Variants in GRAMD1B observed in about 807,000 individuals in gnomAD.
GRAMD1B encodes protein Aster-B.
A neutral mutation model predicts 99.7 loss-of-function variants in GRAMD1B; 37 were observed. The observed-to-expected ratio is 0.37, with a 90% CI of 0.29 to 0.49. The LOEUF is 0.49. Among genes scored for constraint, GRAMD1B ranks in the 20% least tolerant of loss-of-function variants. GRAMD1B has a pLI of 0.98. For synonymous variants in GRAMD1B, 427 were observed against 387.6 expected (o/e 1.10, Z -1.19); for missense variants, 888 against 1,009.2 (o/e 0.88, Z 1.63).
At chr11:123,384,036 A>G (rs796617697) in intron 1 of GRAMD1B, among the ~76,000 whole-genome samples, 13 of 151,924 alleles carry the variant, frequency 8.6e-5, no homozygotes, top group African/African-American at 3.1e-4. Flanking sequence ...ACGCCCAGCT[A>G]ATTTTTGTGT....
At chr11:123,524,318 T>TTTTTA (rs6144546) in intron 2 of GRAMD1B, among the ~76,000 whole-genome samples, 2,238 of 137,614 alleles carry the variant, frequency 0.016, 55 homozygotes, top group African/African-American at 0.046. Context: ...CCAGTTTTTA[T>TTTTTA]TTTTATTTTA....
intron 7 of GRAMD1B, chr11:123,598,552 A>G: frequency 6.4e-7 from 1 of 1,550,746 alleles, no homozygotes; most frequent in Non-Finnish European, 8.9e-7. Flanking sequence ...TTTTTGGCAA[A>G]CAAAGAGGTA....
rs552084179 is a variant in GRAMD1B, at chr11:123,404,891, G to A, written c.-176+46092G>A. The stretch of plus-strand genomic sequence containing the variant: ...AAATTCCGCCTGTTGTCAGGGGGTC[G>A]TGGGAATGTGCCCAGGTTGCTGTAG... On this transcript the variant is annotated intron_variant, in intron 1 of 20. Transcript: ENST00000638157. Among the ~76,000 whole-genome samples, 11 of 152,310 alleles carry A rather than the reference G, an allele frequency of 7.2e-5. No individual in the cohort carries two copies. In the East Asian group the frequency reaches 1.4e-3, roughly 19 times the overall value.
rs560058016 is a variant in GRAMD1B at position 123,413,412 on chromosome 11, G to A, written c.-176+54613G>A. On this transcript the variant is annotated intron_variant, in intron 1 of 20. Transcript: ENST00000638157. ...ATTAATGGCAGTGCTGGGGTAACGTGTATCGGAGAGAGAACTGATCAATAA... is the reference window on the plus strand; with the variant it reads ...ATTAATGGCAGTGCTGGGGTAACGTATATCGGAGAGAGAACTGATCAATAA... Among the ~76,000 whole-genome samples, 4 of 152,108 alleles carry A rather than the reference G, an allele frequency of 2.6e-5. No individual in the cohort carries two copies. In the South Asian group the frequency reaches 8.3e-4, roughly 32 times the overall value.
At chr11:123,504,695 T>C (rs1286021245) in intron 2 of GRAMD1B, among the ~76,000 whole-genome samples, 1 of 152,198 alleles carries the variant, frequency 6.6e-6, no homozygotes, top group Admixed American at 6.5e-5. Context: ...CTTTTTTTCT[T>C]TTTTGAGACA....
At chr11:123,613,130 AC>A (rs1953825450) in intron 15 of GRAMD1B, 1 of 559,226 alleles carries the variant, frequency 1.8e-6, no homozygotes, top group Non-Finnish European at 3.2e-6. Context: ...GGAACCACAG[AC>A]CTAGTGATAT....
chr11:123,605,589 T>C (rs1036424703), intron 10 of GRAMD1B, 111 bp downstream of exon 10: 4 of 827,864 alleles, frequency 4.8e-6, no homozygotes, highest in Admixed American at 2.6e-5. Context: ...ATTGGTTACA[T>C]TGTTGTCAGT....
intron 2 of GRAMD1B, among the ~76,000 whole-genome samples, chr11:123,517,003 T>C (rs1030237087): frequency 2.6e-5 from 4 of 152,222 alleles, no homozygotes; most frequent in African/African-American, 9.6e-5. Flanking sequence ...CACTGCACCC[T>C]CCACCTTCTG....
intron 2 of GRAMD1B, among the ~76,000 whole-genome samples, chr11:123,540,928 TA>T (rs1944449762): frequency 6.6e-6 from 1 of 152,182 alleles, no homozygotes; most frequent in Non-Finnish European, 1.5e-5. Flanking sequence ...TAGTTTTTTT[TA>T]ATTTAAAAAT....
At position 123,610,147 on chromosome 11, in the gene GRAMD1B, G is replaced by A. The variant is rs1404007884; in HGVS notation, c.1777-49G>A. Reference sequence around the variant, plus strand: ...GAGGCTGGAGAAGGTGCTTTTCCAAGCTTCTTGCTCCTCTTCAGTTTTGTC... The same window carrying A: ...GAGGCTGGAGAAGGTGCTTTTCCAAACTTCTTGCTCCTCTTCAGTTTTGTC... On this transcript the variant is annotated intron_variant, in intron 13 of 19. Coordinates refer to ENST00000635736, the MANE Select transcript of GRAMD1B (RefSeq NM_001387025.1). This position sits in a 1 kb window ranked among gnomAD's most constrained non-coding sequence, Gnocchi z 4.1. The A allele has an allele frequency of 6.2e-7, 1 of 1,602,300 alleles. No homozygotes were observed. Among genetic ancestry groups the A allele is most frequent in the Admixed American group, 1.7e-5 (1 of 59,642 alleles).
In GRAMD1B at chr11:123,383,110, G is replaced by A. The variant is rs185755629; in HGVS notation, c.-176+24311G>A. On this transcript the variant is annotated intron_variant, in intron 1 of 20. Transcript: ENST00000638157. ...TGGATCCAGAGTTGAATGTGTAATG[G>A]TAGGTCGGGTAAAATCTTACTGTGA... Among the ~76,000 whole-genome samples, 35 of 152,282 alleles carry A rather than the reference G, an allele frequency of 2.3e-4. No homozygotes were observed. In the East Asian group the frequency reaches 5.4e-3, roughly 24 times the overall value.
intron 1 of GRAMD1B, among the ~76,000 whole-genome samples, chr11:123,436,954 C>T (rs1018697415): frequency 3.9e-5 from 6 of 152,116 alleles, no homozygotes; most frequent in Admixed American, 3.9e-4. Context: ...CTTCCTGTGT[C>T]CATGTGTTCT....
intron 3 of GRAMD1B, chr11:123,578,570 A>G (rs1380599723): frequency 1.5e-6 from 1 of 672,080 alleles, no homozygotes; most frequent in Non-Finnish European, 2.6e-6. Flanking sequence ...GGCCGGCCCC[A>G]CTGTCCCCCG....
At chr11:123,526,762 T>C (rs550447821) in intron 2 of GRAMD1B, among the ~76,000 whole-genome samples, 37 of 152,324 alleles carry the variant, frequency 2.4e-4, no homozygotes, top group Admixed American at 9.8e-4. Flanking sequence ...TGCAAGTGCC[T>C]GTTCCTGGGC....
chr11:123,521,580 G>T (rs953725401), intron 2 of GRAMD1B, among the ~76,000 whole-genome samples: 4 of 152,100 alleles, frequency 2.6e-5, no homozygotes, highest in African/African-American at 9.7e-5. Flanking sequence ...TTGTTTTTGG[G>T]TCAGTTGTTT....
At chr11:123,554,916 G>T (rs201007521) in intron 2 of GRAMD1B, among the ~76,000 whole-genome samples, 1 of 152,184 alleles carries the variant, frequency 6.6e-6, no homozygotes, top group Non-Finnish European at 1.5e-5. Context: ...ATTGGAGAGG[G>T]TGTGGCCATT....
intron 1 of GRAMD1B, among the ~76,000 whole-genome samples, chr11:123,412,850 C>T (rs1201514212): frequency 1.3e-5 from 2 of 152,068 alleles, no homozygotes; most frequent in African/African-American, 2.4e-5. Context: ...GGCGCGATCT[C>T]GGCTTACTGC....
chr11:123,587,343 ACTC>A lies in GRAMD1B; in HGVS notation c.684+3017_684+3019del, dbSNP rs1278896897. 3.3e-5 allele frequency among the ~76,000 whole-genome samples: 5 copies of A among 151,298 alleles called. No homozygotes were observed. Among genetic ancestry groups the A allele is most frequent in the Admixed American group, 6.6e-5 (1 of 15,194 alleles). ...AGTCCTCCCATGCCCAATTATATGT[ACTC>A]CTCCTTACCCCCGAAGCCCCAGTCT... On this transcript the variant is annotated intron_variant, in intron 4 of 19. Transcript: ENST00000635736. This position sits in a 1 kb window ranked among gnomAD's most constrained non-coding sequence, Gnocchi z 4.2.
chr11:123,548,787 T>A (rs1945325426), intron 2 of GRAMD1B, among the ~76,000 whole-genome samples: 1 of 152,132 alleles, frequency 6.6e-6, no homozygotes, highest in Non-Finnish European at 1.5e-5. Context: ...TTTAATTTTT[T>A]AAATAGAATC....
Sources: gnomAD v4.1 joint callset for allele counts (sites outside exome capture counted in the v4.1 genomes callset) on GRCh38, gnomAD v4.1.1 for gene constraint, Gnocchi (gnomAD v3.1) non-coding constraint, MANE v1.5 for transcripts, NCBI Gene and HGNC (gene_info 2026-07-23, HGNC 2026-07-21) for gene names.